ADAMTS9: variants seen among roughly 807,000 people sequenced by gnomAD.
ADAMTS9 encodes the protein ADAM metallopeptidase with thrombospondin type 1 motif 9, also known as A disintegrin and metalloproteinase with thrombospondin motifs 9.
ADAMTS9 carries 107 observed loss-of-function variants against 257.1 expected under a neutral mutation model. That is an observed-to-expected ratio of 0.42 (90% CI 0.36 to 0.49). The LOEUF (loss-of-function observed/expected upper bound fraction) is 0.49, where lower values mean the gene tolerates loss of function less well. ADAMTS9 is among the 20% of genes least tolerant of loss of function. The probability of loss-of-function intolerance (pLI) is 0.03; values close to 1 mark genes in which losing one functional copy is unlikely to be tolerated. For synonymous variants in ADAMTS9, 982 were observed against 880.9 expected (o/e 1.11, Z -2.03); for missense variants, 2,353 against 2,469.1 (o/e 0.95, Z 1.00).
At chr3:64,643,372 T>C (rs539871933) in intron 11 of ADAMTS9, among the ~76,000 whole-genome samples, 75 of 152,028 alleles carry the variant, frequency 4.9e-4, no homozygotes, top group South Asian at 4.1e-3. Context: ...CTTAAATTAA[T>C]TTTAATATAT....
At chr3:64,526,115 T>C (rs2082907339) in intron 38 of ADAMTS9, among the ~76,000 whole-genome samples, 1 of 147,858 alleles carries the variant, frequency 6.8e-6, no homozygotes, top group African/African-American at 2.5e-5. Flanking sequence ...TTATTATAAA[T>C]ATATTTACTA....
In ADAMTS9 at chr3:64,633,836, A is replaced by T; in HGVS notation, c.1900T>A (p.Phe634Ile). The stretch of plus-strand genomic sequence containing the variant: ...CATGGCTCCGTGTTGCAGGACTTAA[A>T]TTTCATTCTACGTCCTACACAGTAT... ...GKYCVGRRMK[F>I]KSCNTEPCLK... is the part of the protein sequence containing the mutation. Residue 634 changes from phenylalanine (F) to isoleucine (I), a missense_variant, in exon 13 of 40, where the codon TTT becomes ATT. Physicochemically the swap from Phe to Ile is conservative, Grantham distance 21. Transcript: ENST00000498707. 6.2e-7 allele frequency: 1 copy of T among 1,613,340 alleles called. No individual in the cohort carries two copies. The highest frequency in any genetic ancestry group is 2.2e-5 in the East Asian group (1 of 44,774).
chr3:64,654,098 C>A (rs1321141175), intron 8 of ADAMTS9, among the ~76,000 whole-genome samples: 3 of 152,172 alleles, frequency 2.0e-5, no homozygotes, highest in African/African-American at 7.2e-5. Flanking sequence ...AATATTAGAC[C>A]TTGTGTATTA....
chr3:64,566,305 A>T (rs1282338992), intron 29 of ADAMTS9, among the ~76,000 whole-genome samples: 1 of 152,188 alleles, frequency 6.6e-6, no homozygotes, highest in East Asian at 1.9e-4. Context: ...AAATTGCCCA[A>T]ATTGAATTTT....
chr3:64,537,587 C>T lies in ADAMTS9; in HGVS notation c.5613+1616G>A, dbSNP rs565827899. ...CTTCTAAAGCTTGAGGCCGAAAAAA[C>T]GCCTCGTTAAAACAACGTTCAGATG... On this transcript the variant is annotated intron_variant, in intron 37 of 39. Transcript: ENST00000498707. Among the ~76,000 whole-genome samples, 7 of 152,288 alleles carry T rather than the reference C, an allele frequency of 4.6e-5. No homozygotes were observed. The South Asian group carries it at 6.2e-4, about 14-fold the overall frequency.
At chr3:64,679,078 AT>A (rs937566282) in intron 3 of ADAMTS9, among the ~76,000 whole-genome samples, 4 of 151,966 alleles carry the variant, frequency 2.6e-5, no homozygotes, top group Non-Finnish European at 4.4e-5. Context: ...CTTTTATTTT[AT>A]TTTTTTTAAC....
At chr3:64,556,342 A>G (rs1487261189) in intron 30 of ADAMTS9, among the ~76,000 whole-genome samples, 1 of 152,172 alleles carries the variant, frequency 6.6e-6, no homozygotes, top group African/African-American at 2.4e-5. Flanking sequence ...TGTTTTTGAG[A>G]CAGGGTCTTG....
intron 15 of ADAMTS9, 104 bp downstream of exon 15, chr3:64,631,704 T>C: frequency 8.1e-7 from 1 of 1,233,476 alleles, no homozygotes. Context: ...ATAACGAGAC[T>C]GATTTTTATG....
intron 37 of ADAMTS9, among the ~76,000 whole-genome samples, chr3:64,534,024 G>C (rs534526639): frequency 6.6e-6 from 1 of 152,282 alleles, no homozygotes; most frequent in South Asian, 2.1e-4. Flanking sequence ...GACTCGCAAA[G>C]GCATCTGAAA....
intron 32 of ADAMTS9, 78 bp from the exon 33 acceptor site, chr3:64,542,048 C>T: frequency 1.3e-6 from 2 of 1,577,252 alleles, no homozygotes; most frequent in Non-Finnish European, 1.7e-6. Context: ...GAGCTCAGAG[C>T]CCTGATGTCA....
chr3:64,661,557 G>C (rs1472480890), intron 3 of ADAMTS9, among the ~76,000 whole-genome samples: 1 of 152,198 alleles, frequency 6.6e-6, no homozygotes, highest in Non-Finnish European at 1.5e-5. Context: ...CAAGGAATCA[G>C]TCGTAGATTT....
At chr3:64,594,188 C>T in intron 28 of ADAMTS9, 70 bp downstream of exon 28, 3 of 1,503,320 alleles carry the variant, frequency 2.0e-6, no homozygotes, top group Non-Finnish European at 2.7e-6. Context: ...TTATCTGCCA[C>T]AGAGGAGTGC....
chr3:64,654,545 C>T, intron 7 of ADAMTS9, 27 bp downstream of exon 7: 3 of 1,613,668 alleles, frequency 1.9e-6, no homozygotes, highest in Non-Finnish European at 2.5e-6. Context: ...CGGTTTTAGC[C>T]ATAGAAGATA....
rs1197965477 is a variant in ADAMTS9 at position 64,652,712 on chromosome 3, C to T, written c.1317-1549G>A. Among the ~76,000 whole-genome samples, 3 of 152,160 alleles carry T rather than the reference C, an allele frequency of 2.0e-5. No individual in the cohort carries two copies. In the East Asian group the frequency reaches 5.8e-4, roughly 29 times the overall value. ...ACGAACGATAATAACCACAACTTTTCAGCATTCACAATGCACCAGAAAATG... is the reference window on the plus strand; with the variant it reads ...ACGAACGATAATAACCACAACTTTTTAGCATTCACAATGCACCAGAAAATG... On this transcript the variant is annotated intron_variant, in intron 8 of 39. Coordinates refer to ENST00000498707, the MANE Select transcript of ADAMTS9 (RefSeq NM_182920.2).
intron 28 of ADAMTS9, among the ~76,000 whole-genome samples, chr3:64,570,407 CA>C (rs2083650922): frequency 6.6e-6 from 1 of 152,074 alleles, no homozygotes; most frequent in African/African-American, 2.4e-5. Flanking sequence ...CTATGAGCTA[CA>C]ATTATGAGTT....
chr3:64,593,950 G>A (rs1475138363), intron 28 of ADAMTS9, among the ~76,000 whole-genome samples: 3 of 105,322 alleles, frequency 2.8e-5, no homozygotes, highest in African/African-American at 2.1e-4. Flanking sequence ...CTATGTATGT[G>A]TGTGTGTATG....
intron 36 of ADAMTS9, among the ~76,000 whole-genome samples, 193 bp from the exon 37 acceptor site, chr3:64,539,487 G>C (rs1448195896): frequency 6.6e-6 from 1 of 152,164 alleles, no homozygotes; most frequent in Admixed American, 6.6e-5. Flanking sequence ...TTATATTTGT[G>C]GTTCTGCGAG....
At chr3:64,570,301 A>G (rs1379376448) in intron 28 of ADAMTS9, among the ~76,000 whole-genome samples, 2 of 152,184 alleles carry the variant, frequency 1.3e-5, no homozygotes, top group Admixed American at 1.3e-4. Context: ...AAAAATAAAT[A>G]TATGATTATT....
rs138485894 is a variant in ADAMTS9, at chr3:64,630,246, C to G, written c.2389+1209G>C. Reference sequence around the variant, plus strand: ...ATTAGGCAAATTTCACAATCACTTACAGCAATTTACAGAAAAACAAATTAC... The same window carrying G: ...ATTAGGCAAATTTCACAATCACTTAGAGCAATTTACAGAAAAACAAATTAC... On this transcript the variant is annotated intron_variant, in intron 16 of 39. Coordinates refer to ENST00000498707, the MANE Select transcript of ADAMTS9 (RefSeq NM_182920.2). Among the ~76,000 whole-genome samples the G allele has an allele frequency of 9.6e-4, 146 of 152,218 alleles. 1 individual carries two copies. Among genetic ancestry groups the G allele is most frequent in the Middle Eastern group, 3.4e-3 (1 of 294 alleles).
Sources: gnomAD v4.1 joint callset for allele counts (sites outside exome capture counted in the v4.1 genomes callset) on GRCh38, gnomAD v4.1.1 for gene constraint, MANE v1.5 for transcripts, NCBI Gene and HGNC (gene_info 2026-07-23, HGNC 2026-07-21) for gene names.